Variants in TEK observed in about 807,000 individuals in gnomAD.
The protein encoded by TEK is angiopoietin-1 receptor.
TEK carries 43 observed loss-of-function variants against 131.8 expected under a neutral mutation model. That is an observed-to-expected ratio of 0.33 (90% CI 0.26 to 0.42). TEK has a LOEUF of 0.42. Ranked by LOEUF, TEK falls within the 10% of genes least tolerant of loss-of-function variation. The pLI is 1.00. For synonymous variants in TEK, 580 were observed against 491.6 expected, an observed-to-expected ratio of 1.18 and a Z score of -2.38; for missense variants, 1,162 against 1,384.4, an observed-to-expected ratio of 0.84 and a Z score of 2.55.
chr9:27,198,670 T>C (rs1185795617), intron 12 of TEK, among the ~76,000 whole-genome samples: 1 of 152,268 alleles, frequency 6.6e-6, no homozygotes, highest in Non-Finnish European at 1.5e-5. Context: ...CATTTGTTGT[T>C]GACTTATGTA....
At position 27,128,674 on chromosome 9, in the gene TEK, C is replaced by T. The variant is rs1475243419; in HGVS notation, c.52+19032C>T. ...TCATTGAGCAGTGGTTTGTAGTTCT[C>T]CTTGAAGAGGTCCTTCACATCCCTT... is the stretch of plus-strand genomic sequence containing the variant. On this transcript the variant is annotated intron_variant, in intron 1 of 22. Coordinates refer to ENST00000380036, the MANE Select transcript of TEK (RefSeq NM_000459.5). Among the ~76,000 whole-genome samples, 6 of 152,194 alleles carry T rather than the reference C, an allele frequency of 3.9e-5. 1 individual carries two copies. The South Asian group carries it at 1.0e-3, about 26-fold the overall frequency.
chr9:27,172,545 G>A lies in TEK; in HGVS notation c.629-71G>A, dbSNP rs537971234. Reference sequence around the variant, plus strand: ...TTGTCCACTGAATGACTGACACACAGTAGGTGCTCAATAAAGATGTGTTGA... The same window carrying A: ...TTGTCCACTGAATGACTGACACACAATAGGTGCTCAATAAAGATGTGTTGA... On this transcript the variant is annotated intron_variant, in intron 4 of 22. Transcript: ENST00000380036. 3,926 of 1,597,216 alleles carry A rather than the reference G, an allele frequency of 2.5e-3. 10 individuals carry two copies. The highest frequency in any genetic ancestry group is 3.2e-3 in the Admixed American group (190 of 58,680).
rs1454306224 is a variant in TEK at position 27,206,489 on chromosome 9, T to C, written c.2365-93T>C. ...CTAGAATTAAATACAGTATTTCTTT[T>C]TTCATCTGGTGTGGATGCCAACCAG... On this transcript the variant is annotated intron_variant, in intron 14 of 22. Coordinates refer to ENST00000380036, the MANE Select transcript of TEK (RefSeq NM_000459.5). 5 of 1,331,272 alleles carry C rather than the reference T, an allele frequency of 3.8e-6. No individual in the cohort carries two copies. The African/African-American group carries it at 4.4e-5, about 12-fold the overall frequency. 82.5% of individuals were successfully genotyped at this position (1,331,272 alleles called of 1,614,324 possible). A position where few individuals can be genotyped will look rare whatever the true frequency, so the allele number is the denominator to read the frequency against.
chr9:27,180,743 T>C (rs1305382326), intron 7 of TEK, among the ~76,000 whole-genome samples: 2 of 152,130 alleles, frequency 1.3e-5, no homozygotes, highest in Admixed American at 6.6e-5. Flanking sequence ...TTTAAAGCAA[T>C]AGAAAGAATA....
intron 1 of TEK, among the ~76,000 whole-genome samples, chr9:27,140,625 A>G (rs1822691140): frequency 6.6e-6 from 1 of 152,010 alleles, no homozygotes; most frequent in African/African-American, 2.4e-5. Context: ...CATATATCTT[A>G]TATATGTCTT....
intron 21 of TEK, among the ~76,000 whole-genome samples, chr9:27,224,070 G>A (rs142371248): frequency 2.6e-5 from 4 of 152,142 alleles, no homozygotes; most frequent in Admixed American, 1.3e-4. Context: ...GGAAGAAGTC[G>A]AATCCCAGTC....
chr9:27,224,588 G>GTAT (rs1564112205), intron 21 of TEK, among the ~76,000 whole-genome samples: 1 of 152,108 alleles, frequency 6.6e-6, no homozygotes, highest in Admixed American at 6.6e-5. Flanking sequence ...AGTAAACTAG[G>GTAT]TATTGATGGA....
chr9:27,162,283 C>G (rs1308690524), intron 2 of TEK, among the ~76,000 whole-genome samples: 1 of 152,200 alleles, frequency 6.6e-6, no homozygotes, highest in East Asian at 1.9e-4. Flanking sequence ...GCTGCTGACT[C>G]GTACATCTGT....
chr9:27,218,535 C>G (rs1428987948), intron 19 of TEK, among the ~76,000 whole-genome samples: 7 of 152,024 alleles, frequency 4.6e-5, no homozygotes, highest in Non-Finnish European at 1.0e-4. Flanking sequence ...ACAGTACCAC[C>G]TTGTAGTCTC....
intron 1 of TEK, among the ~76,000 whole-genome samples, chr9:27,141,086 C>A (rs1250481461): frequency 1.3e-5 from 2 of 151,936 alleles, no homozygotes; most frequent in East Asian, 3.9e-4. Flanking sequence ...ATTTAATTTT[C>A]TTCTGCTGTC....
At position 27,137,808 on chromosome 9, in the gene TEK, TTC is replaced by T. The variant is rs537548307; in HGVS notation, c.53-20017_53-20016del. Among the ~76,000 whole-genome samples, 136 of 152,272 alleles carry T rather than the reference TTC, an allele frequency of 8.9e-4. 1 individual carries two copies. The highest frequency in any genetic ancestry group is 3.2e-3 in the African/African-American group (134 of 41,536). ...TTTTCTCTTTAGTTAGGTTTATTTT[TTC>T]TCTCTGCCTTTCCTGGTTGTATTAG... On this transcript the variant is annotated intron_variant, in intron 1 of 22. Coordinates refer to ENST00000380036, the MANE Select transcript of TEK (RefSeq NM_000459.5).
In TEK at chr9:27,137,894, T is replaced by G. The variant is rs557978423; in HGVS notation, c.53-19937T>G. Among the ~76,000 whole-genome samples, 37 of 152,250 alleles carry G rather than the reference T, an allele frequency of 2.4e-4. 1 individual carries two copies. In the South Asian group the frequency reaches 5.2e-3, roughly 21 times the overall value. On this transcript the variant is annotated intron_variant, in intron 1 of 22. Coordinates refer to ENST00000380036, the MANE Select transcript of TEK (RefSeq NM_000459.5). The stretch of plus-strand genomic sequence containing the variant: ...GGTTCTTGGTCTCACTGTGGACCCT[T>G]GCGGTGAGTGTTACAGTTCTTAAAG...
At chr9:27,134,408 A>G (rs1437663739) in intron 1 of TEK, among the ~76,000 whole-genome samples, 2 of 152,222 alleles carry the variant, frequency 1.3e-5, no homozygotes, top group East Asian at 1.9e-4. Context: ...TCGCCACTCA[A>G]ATCTCAGCAA....
intron 4 of TEK, among the ~76,000 whole-genome samples, chr9:27,171,209 A>G (rs1422476003): frequency 6.6e-6 from 1 of 152,216 alleles, no homozygotes; most frequent in Non-Finnish European, 1.5e-5. Flanking sequence ...AAATAGAAAG[A>G]AAATGATTTG....
intron 1 of TEK, among the ~76,000 whole-genome samples, chr9:27,156,277 G>A (rs765427447): frequency 1.3e-5 from 2 of 152,066 alleles, no homozygotes; most frequent in Non-Finnish European, 2.9e-5. Flanking sequence ...ATATTCCATT[G>A]TAAACCAATT....
chr9:27,123,977 A>G (rs992081814), intron 1 of TEK, among the ~76,000 whole-genome samples: 8 of 152,204 alleles, frequency 5.3e-5, no homozygotes, highest in African/African-American at 1.9e-4. Flanking sequence ...GGGTTTCGCC[A>G]AGTTGGTCAG....
intron 7 of TEK, among the ~76,000 whole-genome samples, chr9:27,181,431 A>G (rs1028676083): frequency 2.0e-5 from 3 of 152,192 alleles, no homozygotes; most frequent in African/African-American, 4.8e-5. Flanking sequence ...TCAAGGGTCA[A>G]CCATATCTTC....
intron 14 of TEK, among the ~76,000 whole-genome samples, chr9:27,205,491 C>T (rs1344894715): frequency 6.6e-6 from 1 of 152,190 alleles, no homozygotes; most frequent in Non-Finnish European, 1.5e-5. Flanking sequence ...TTGCCTATTT[C>T]CAGTTCCCAT....
chr9:27,173,739 T>C (rs1288924396), intron 6 of TEK, among the ~76,000 whole-genome samples: 7 of 62,682 alleles, frequency 1.1e-4, no homozygotes, highest in African/African-American at 4.7e-4. Flanking sequence ...TTTTTTTGGT[T>C]TTTTTTTTTT....
Sources: allele counts gnomAD v4.1 joint callset (sites outside exome capture counted in the v4.1 genomes callset), GRCh38; gene constraint gnomAD v4.1.1; transcripts MANE v1.5; gene names NCBI Gene and HGNC (gene_info 2026-07-23, HGNC 2026-07-21).